Variants in ASAP1 observed in about 807,000 individuals in gnomAD.
ASAP1 encodes the protein arf-GAP with SH3 domain, ANK repeat and PH domain-containing protein 1.
A neutral mutation model predicts 145.2 loss-of-function variants in ASAP1; 43 were observed. The observed-to-expected ratio is 0.30, with a 90% confidence interval of 0.23 to 0.38. ASAP1 has a LOEUF of 0.38. Ranked by LOEUF, ASAP1 falls within the 10% of genes least tolerant of loss-of-function variation. ASAP1 has a pLI of 1.00. For synonymous variants in ASAP1, 546 were observed against 515.5 expected (o/e 1.06, Z -0.80); for missense variants, 1,018 against 1,355.3 (o/e 0.75, Z 3.91).
chr8:130,098,484 C>CAG (rs1355718038), intron 24 of ASAP1, among the ~76,000 whole-genome samples: 2 of 152,168 alleles, frequency 1.3e-5, no homozygotes, highest in Admixed American at 1.3e-4. Context: ...GCTGGGATTA[C>CAG]AGGTGCCTGC....
chr8:130,402,044 A>G, intron 1 of ASAP1, 74 bp from the exon 2 acceptor site: 2 of 1,001,602 alleles, frequency 2.0e-6, no homozygotes, highest in Non-Finnish European at 3.0e-6. Flanking sequence ...GTCTCAGACC[A>G]AGATCGGATT....
chr8:130,416,351 A>G (rs1045760526), intron 1 of ASAP1, among the ~76,000 whole-genome samples: 5 of 152,364 alleles, frequency 3.3e-5, no homozygotes, highest in Admixed American at 6.5e-5. Flanking sequence ...CAGCTAGCAC[A>G]GTGCCTGGCC....
chr8:130,113,741 C>T (rs900801906), intron 23 of ASAP1, among the ~76,000 whole-genome samples: 1 of 151,642 alleles, frequency 6.6e-6, no homozygotes, highest in Admixed American at 6.6e-5. Context: ...GTTTTCTCTT[C>T]TGTAAAATGG....
chr8:130,074,486 C>CACACACACAG lies in ASAP1; in HGVS notation c.2701+1861_2701+1862insCTGTGTGTGT, dbSNP rs5895034. Among the ~76,000 whole-genome samples the CACACACACAG allele has an allele frequency of 2.1e-3, 295 of 140,572 alleles. 7 individuals are homozygous for CACACACACAG. The highest frequency in any genetic ancestry group is 3.2e-3 in the East Asian group (15 of 4,750). The allele number at this position is 140,572 out of a possible 152,430, so 92.2% of individuals were successfully genotyped here. A position where few individuals can be genotyped will look rare whatever the true frequency, so the allele number is the denominator to read the frequency against. ...ACACACACACACACACACACACACA[C>CACACACACAG]AGAGAGAACGAGAGTAGAGCAACGG... On this transcript the variant is annotated intron_variant, in intron 27 of 29. Coordinates refer to ENST00000518721, the MANE Select transcript of ASAP1 (RefSeq NM_018482.4).
chr8:130,066,852 C>T (rs75729193), intron 27 of ASAP1, among the ~76,000 whole-genome samples: 2,939 of 152,270 alleles, frequency 0.019, 95 homozygotes, highest in African/African-American at 0.066. Context: ...GCCACTGCCC[C>T]CCATTTCAGC....
chr8:130,262,096 T>C (rs1206201513), intron 3 of ASAP1, among the ~76,000 whole-genome samples: 1 of 151,868 alleles, frequency 6.6e-6, no homozygotes, highest in Non-Finnish European at 1.5e-5. Flanking sequence ...TTTCCAGTGC[T>C]ATTAAAAAAG....
intron 26 of ASAP1, among the ~76,000 whole-genome samples, chr8:130,076,739 T>C (rs1468164292): frequency 6.6e-6 from 1 of 152,168 alleles, no homozygotes; most frequent in Non-Finnish European, 1.5e-5. Flanking sequence ...CAAGCTGGTC[T>C]TGTACTCCTG....
At chr8:130,106,224 G>A (rs1449322707) in intron 24 of ASAP1, among the ~76,000 whole-genome samples, 5 of 152,080 alleles carry the variant, frequency 3.3e-5, no homozygotes, top group Non-Finnish European at 5.9e-5. Flanking sequence ...AACAAAACAC[G>A]AATCAAGGGT....
At chr8:130,346,363 C>A (rs1457816644) in intron 3 of ASAP1, among the ~76,000 whole-genome samples, 1 of 152,226 alleles carries the variant, frequency 6.6e-6, no homozygotes. Flanking sequence ...TCAGGAAGTT[C>A]TTCTGAGTCT....
At chr8:130,072,790 GA>G (rs2097449962) in intron 27 of ASAP1, among the ~76,000 whole-genome samples, 2 of 66,096 alleles carry the variant, frequency 3.0e-5, no homozygotes, top group African/African-American at 6.2e-5. Context: ...ACTTGCAATT[GA>G]TATGTGTGTG....
rs919210942 is a variant in ASAP1 at position 130,167,392 on chromosome 8, C to T, written c.909+144G>A. ...TAAGCAAGGAAAAGGAACTAAAATA[C>T]AGTTTCTACATGGGGCTTATGGTAG... is the stretch of plus-strand genomic sequence containing the variant. On this transcript the variant is annotated intron_variant, in intron 11 of 29. Coordinates refer to ENST00000518721, the MANE Select transcript of ASAP1 (RefSeq NM_018482.4). 5 of 794,724 alleles carry T rather than the reference C, an allele frequency of 6.3e-6. No homozygotes were observed. In the Admixed American group the frequency reaches 8.5e-5, roughly 14 times the overall value. 49.2% of individuals were successfully genotyped at this position (794,724 alleles called of 1,614,324 possible).
chr8:130,090,598 G>C (rs1189448990), intron 25 of ASAP1, among the ~76,000 whole-genome samples: 2 of 152,138 alleles, frequency 1.3e-5, no homozygotes, highest in Non-Finnish European at 2.9e-5. Flanking sequence ...TCAGTTTTCT[G>C]GCATTTCTAG....
chr8:130,272,021 A>G (rs1820615300), intron 3 of ASAP1, among the ~76,000 whole-genome samples: 1 of 152,256 alleles, frequency 6.6e-6, no homozygotes, highest in East Asian at 1.9e-4. Context: ...ACTTACTGTC[A>G]CTAAAAGGCT....
intron 3 of ASAP1, among the ~76,000 whole-genome samples, chr8:130,297,157 G>A (rs1430285209): frequency 6.6e-6 from 1 of 152,158 alleles, no homozygotes; most frequent in Non-Finnish European, 1.5e-5. Flanking sequence ...TATGGGCCAG[G>A]CGCTGCACTG....
intron 3 of ASAP1, among the ~76,000 whole-genome samples, chr8:130,250,370 CTTT>C (rs1819116554): frequency 6.6e-6 from 1 of 152,178 alleles, no homozygotes; most frequent in Non-Finnish European, 1.5e-5. Flanking sequence ...AAAGTCTGTG[CTTT>C]CTGCCATGTC....
At chr8:130,419,591 T>C (rs1033842344) in intron 1 of ASAP1, among the ~76,000 whole-genome samples, 4 of 152,040 alleles carry the variant, frequency 2.6e-5, no homozygotes, top group Non-Finnish European at 4.4e-5. Flanking sequence ...CCTCCACTGG[T>C]CCTCCCTTTT....
At chr8:130,296,029 T>C (rs1822251840) in intron 3 of ASAP1, among the ~76,000 whole-genome samples, 1 of 152,214 alleles carries the variant, frequency 6.6e-6, no homozygotes, top group Non-Finnish European at 1.5e-5. Context: ...AAAGCCTGCC[T>C]TGCTCACCTC....
chr8:130,101,918 A>G (rs989520661), intron 24 of ASAP1, among the ~76,000 whole-genome samples: 1 of 151,902 alleles, frequency 6.6e-6, no homozygotes, highest in East Asian at 1.9e-4. Flanking sequence ...GTATAGAAAC[A>G]CTACTGATTT....
In ASAP1 at chr8:130,311,552, G is replaced by C. The variant is rs543901867; in HGVS notation, c.186+46465C>G. Among the ~76,000 whole-genome samples, 568 of 152,224 alleles carry C rather than the reference G, an allele frequency of 3.7e-3. 6 individuals are homozygous for C. The highest frequency in any genetic ancestry group is 6.2e-3 in the Non-Finnish European group (420 of 68,000). ...CAAGGCGGGAGGATCACCTGAGGTT[G>C]GAAGTTCGAGACAAGCCTGACCAGC... On this transcript the variant is annotated intron_variant, in intron 3 of 29. Coordinates refer to ENST00000518721, the MANE Select transcript of ASAP1 (RefSeq NM_018482.4).
Sources: gnomAD v4.1 joint callset for allele counts (sites outside exome capture counted in the v4.1 genomes callset) on GRCh38, gnomAD v4.1.1 for gene constraint, MANE v1.5 for transcripts, NCBI Gene and HGNC (gene_info 2026-07-23, HGNC 2026-07-21) for gene names.